Variants in ADGRG6 observed in about 807,000 individuals in gnomAD.
The protein encoded by ADGRG6 is G-protein coupled receptor 126.
ADGRG6 carries 84 observed loss-of-function variants against 142.4 expected under a neutral mutation model. The observed-to-expected ratio is 0.59, with a 90% CI of 0.49 to 0.71. The LOEUF (loss-of-function observed/expected upper bound fraction) is 0.71. ADGRG6 is among the 30% of genes least tolerant of loss of function. The pLI is 0.00. For missense variants in ADGRG6, 1,367 were observed against 1,466.6 expected (o/e 0.93, Z 1.11); for synonymous variants, 521 against 520.5 (o/e 1.00, Z -0.01).
At chr6:142,364,425 T>G (rs1780857192) in intron 2 of ADGRG6, among the ~76,000 whole-genome samples, 1 of 152,172 alleles carries the variant, frequency 6.6e-6, no homozygotes, top group South Asian at 2.1e-4. Context: ...TCTGAGTGCC[T>G]AAGGAAAAAA....
intron 22 of ADGRG6, 131 bp from the exon 23 acceptor site, chr6:142,437,303 C>T (rs1777529109): frequency 1.1e-5 from 6 of 552,234 alleles, no homozygotes; most frequent in Non-Finnish European, 1.9e-5. Flanking sequence ...AGATTCATTT[C>T]CTTAAGATCT....
chr6:142,365,269 T>C (rs1260491369), intron 2 of ADGRG6, among the ~76,000 whole-genome samples: 1 of 152,216 alleles, frequency 6.6e-6, no homozygotes, highest in African/African-American at 2.4e-5. Flanking sequence ...CCAGAGCACA[T>C]GTACTCTATC....
chr6:142,409,811 T>C, intron 16 of ADGRG6, 63 bp from the exon 17 acceptor site: 1 of 713,032 alleles, frequency 1.4e-6, no homozygotes, highest in Non-Finnish European at 2.4e-6. Flanking sequence ...TTTATTCTTT[T>C]GCCATATTTA....
At chr6:142,346,556 C>T (rs1779911616) in intron 2 of ADGRG6, among the ~76,000 whole-genome samples, 1 of 151,720 alleles carries the variant, frequency 6.6e-6, no homozygotes, top group South Asian at 2.1e-4. Context: ...AATCATTCTA[C>T]TCTAAAGACA....
chr6:142,335,194 C>T (rs931996194), intron 2 of ADGRG6, among the ~76,000 whole-genome samples: 2 of 152,094 alleles, frequency 1.3e-5, no homozygotes, highest in African/African-American at 2.4e-5. Flanking sequence ...TCATGGGGAA[C>T]CTTGAATTTC....
At chr6:142,438,056 T>A (rs1460753776) in intron 23 of ADGRG6, 156 bp from the exon 24 acceptor site, 4 of 501,452 alleles carry the variant, frequency 8.0e-6, no homozygotes, top group Non-Finnish European at 1.4e-5. Context: ...ATTATCAATA[T>A]CCTCTTATTG....
chr6:142,393,537 A>G (rs1482953803), intron 8 of ADGRG6, among the ~76,000 whole-genome samples: 1 of 152,138 alleles, frequency 6.6e-6, no homozygotes, highest in Non-Finnish European at 1.5e-5. Flanking sequence ...CTAGTTTTCT[A>G]AAGTGTATGT....
At chr6:142,354,601 A>G (rs1396282257) in intron 2 of ADGRG6, among the ~76,000 whole-genome samples, 1 of 152,220 alleles carries the variant, frequency 6.6e-6, no homozygotes, top group Non-Finnish European at 1.5e-5. Context: ...AAGGAAGTTC[A>G]TCTGCATTGT....
intron 5 of ADGRG6, among the ~76,000 whole-genome samples, chr6:142,382,865 C>T (rs1009208682): frequency 2.6e-5 from 4 of 152,134 alleles, no homozygotes; most frequent in Admixed American, 1.3e-4. Context: ...AAGCTCTCTT[C>T]TGTGGTTCCA....
chr6:142,406,065 G>T (rs1228025027), intron 15 of ADGRG6, among the ~76,000 whole-genome samples: 1 of 151,958 alleles, frequency 6.6e-6, no homozygotes, highest in Non-Finnish European at 1.5e-5. Flanking sequence ...GCTAAGGCTT[G>T]CATTAAACAA....
chr6:142,338,724 A>G (rs1188682562), intron 2 of ADGRG6, among the ~76,000 whole-genome samples: 1 of 152,102 alleles, frequency 6.6e-6, no homozygotes, highest in Non-Finnish European at 1.5e-5. Context: ...TTATAATTTT[A>G]TAATCCTGTA....
chr6:142,392,074 T>C (rs1348378753), intron 7 of ADGRG6, among the ~76,000 whole-genome samples: 1 of 152,006 alleles, frequency 6.6e-6, no homozygotes, highest in African/African-American at 2.4e-5. Flanking sequence ...ATATAAATAG[T>C]GTACCTGTTT....
At chr6:142,404,376 C>G (rs2115026417) in intron 14 of ADGRG6, 1 of 191,048 alleles carries the variant, frequency 5.2e-6, no homozygotes, top group Non-Finnish European at 1.1e-5. Flanking sequence ...CGCGGTCTCT[C>G]AAGCCTGTAA....
chr6:142,367,076 A>G (rs1402396816), intron 2 of ADGRG6, among the ~76,000 whole-genome samples: 1 of 152,058 alleles, frequency 6.6e-6, no homozygotes, highest in African/African-American at 2.4e-5. Context: ...TAAATTATTT[A>G]TTTTCTAAGA....
intron 14 of ADGRG6, among the ~76,000 whole-genome samples, chr6:142,404,750 C>T (rs912731054): frequency 7.9e-5 from 12 of 152,148 alleles, no homozygotes; most frequent in Non-Finnish European, 1.5e-4. Flanking sequence ...CTGGGTAGGC[C>T]CACCAAATTT....
At position 142,444,430 on chromosome 6, in the gene ADGRG6, C is replaced by G. The variant is rs1160172480; in HGVS notation, c.*915C>G. ...TTAGGAGACACACAATTAAGACTCTCTGGTTCTGTCCTTGCTTTGGAGACT... is the reference window on the plus strand; with the variant it reads ...TTAGGAGACACACAATTAAGACTCTGTGGTTCTGTCCTTGCTTTGGAGACT... On this transcript the variant is annotated 3_prime_UTR_variant, in exon 25 of 25. Transcript: ENST00000367609. 1.3e-5 allele frequency: 2 copies of G among 152,180 alleles called. No homozygotes were observed. The highest frequency in any genetic ancestry group is 4.8e-5 in the African/African-American group (2 of 41,432). The allele number at this position is 152,180 out of a possible 1,614,324, so 9.4% of individuals were successfully genotyped here.
chr6:142,361,388 C>T (rs1780706858), intron 2 of ADGRG6, among the ~76,000 whole-genome samples: 1 of 152,082 alleles, frequency 6.6e-6, no homozygotes, highest in Non-Finnish European at 1.5e-5. Context: ...GGATGATGCC[C>T]ATGCTGCTTG....
intron 2 of ADGRG6, among the ~76,000 whole-genome samples, chr6:142,329,399 A>G (rs934844165): frequency 6.6e-5 from 10 of 152,160 alleles, no homozygotes; most frequent in African/African-American, 2.2e-4. Context: ...TAAAGAAGAC[A>G]TTTATGCCAA....
In ADGRG6 at chr6:142,405,618, T is replaced by C. The variant is rs572506945; in HGVS notation, c.2128-70T>C. The C allele has an allele frequency of 1.5e-5, 19 of 1,249,048 alleles. No homozygotes were observed. In the Middle Eastern group the frequency reaches 5.6e-4, roughly 37 times the overall value. The allele number at this position is 1,249,048 out of a possible 1,614,324, so 77.4% of individuals were successfully genotyped here. ...TTGCAATTGTTCACTCGCCTAACTA[T>C]ACATGTGGAATAAAGTTATTACCAT... On this transcript the variant is annotated intron_variant, in intron 14 of 24. Coordinates refer to ENST00000367609, the MANE Select transcript of ADGRG6 (RefSeq NM_198569.3).
Sources: allele counts gnomAD v4.1 joint callset (sites outside exome capture counted in the v4.1 genomes callset), GRCh38; gene constraint gnomAD v4.1.1; transcripts MANE v1.5; gene names NCBI Gene and HGNC (gene_info 2026-07-23, HGNC 2026-07-21).